NADK: variants seen among roughly 807,000 people sequenced by gnomAD.
NADK encodes NAD kinase, also known as poly(P)/ATP NAD kinase.
NADK carries 22 observed loss-of-function variants against 49.8 expected under a neutral mutation model. The ratio of observed to expected loss-of-function variants is 0.44; its 90% CI spans 0.32 to 0.63. NADK has a LOEUF of 0.63. Among genes scored for constraint, NADK ranks in the 30% least tolerant of loss-of-function variants. The probability of loss-of-function intolerance (pLI) is 0.06; values close to 1 mark genes in which losing one functional copy is unlikely to be tolerated. For missense variants in NADK, 438 were observed against 609.4 expected (o/e 0.72, Z 2.96); for synonymous variants, 268 against 253.7 (o/e 1.06, Z -0.54).
intron 1 of NADK, among the ~76,000 whole-genome samples, chr1:1,777,973 A>C: frequency 6.6e-6 from 1 of 152,192 alleles, no homozygotes; most frequent in Non-Finnish European, 1.5e-5. Flanking sequence ...CCGGACACCG[A>C]GGACCTGGCC....
At position 1,752,883 on chromosome 1, in the gene NADK, G is replaced by C. The variant is rs141226719; in HGVS notation, c.*21C>G. On this transcript the variant is annotated 3_prime_UTR_variant, in exon 12 of 12. Coordinates refer to ENST00000341426, the MANE Select transcript of NADK (RefSeq NM_023018.5). ...CGCTTGGAGGGCAGCGGAAGGATTC[G>C]GGCCTGGATAGGGGCTTGACCTAGC... is the stretch of plus-strand genomic sequence containing the variant. 4.2e-5 allele frequency: 67 copies of C among 1,605,266 alleles called. No individual in the cohort carries two copies. The East Asian group carries it at 1.4e-3, about 34-fold the overall frequency.
intron 2 of NADK, among the ~76,000 whole-genome samples, chr1:1,763,624 A>C (rs1267815852): frequency 1.6e-5 from 2 of 123,824 alleles, no homozygotes; most frequent in Admixed American, 1.9e-4. Context: ...ATCTCAAAAA[A>C]AAAAAAAAAA....
intron 1 of NADK, among the ~76,000 whole-genome samples, chr1:1,773,700 G>GTA (rs1646121102): frequency 9.9e-6 from 1 of 101,144 alleles, no homozygotes; most frequent in Admixed American, 1.2e-4. Context: ...GTGTGTGTGT[G>GTA]TGTGTGTGTG....
chr1:1,755,503 G>A (rs753782546), intron 6 of NADK, 27 bp from the exon 7 acceptor site: 4 of 1,580,792 alleles, frequency 2.5e-6, no homozygotes. Flanking sequence ...AGGTCACTCA[G>A]TGCCCACGCC....
chr1:1,755,980 A>G lies in NADK; in HGVS notation c.585+278T>C, dbSNP rs1370032600. ...AAGGGAGGCCCAGAGGGGATGGGCC[A>G]GTAGGCGAGGTCGTTTCCCAGGACC... On this transcript the variant is annotated intron_variant, in intron 6 of 11. Coordinates refer to ENST00000341426, the MANE Select transcript of NADK (RefSeq NM_023018.5). 5 of 555,388 alleles carry G rather than the reference A, an allele frequency of 9.0e-6. No individual in the cohort carries two copies. In the South Asian group the frequency reaches 1.0e-4, roughly 12 times the overall value. The allele number at this position is 555,388 out of a possible 1,614,324, so 34.4% of individuals were successfully genotyped here. A position where few individuals can be genotyped will look rare whatever the true frequency, so the allele number is the denominator to read the frequency against.
At chr1:1,774,161 G>A (rs1335940752) in intron 1 of NADK, among the ~76,000 whole-genome samples, 4 of 151,002 alleles carry the variant, frequency 2.6e-5, no homozygotes, top group African/African-American at 9.7e-5. Context: ...ATGTGTGTGT[G>A]TGTATATATA....
At chr1:1,774,981 C>A (rs1646169505) in intron 1 of NADK, among the ~76,000 whole-genome samples, 1 of 151,952 alleles carries the variant, frequency 6.6e-6, no homozygotes, top group African/African-American at 2.4e-5. Flanking sequence ...CGGTGGCAGG[C>A]GCCTGTCATC....
At chr1:1,772,286 C>T (rs1007636907) in intron 1 of NADK, among the ~76,000 whole-genome samples, 3 of 152,048 alleles carry the variant, frequency 2.0e-5, no homozygotes, top group African/African-American at 7.2e-5. Flanking sequence ...CCTCAGCCTC[C>T]TGAGTACCAG....
chr1:1,777,592 G>A (rs997396958), intron 1 of NADK, among the ~76,000 whole-genome samples: 4 of 135,296 alleles, frequency 3.0e-5, no homozygotes, highest in Non-Finnish European at 6.3e-5. Context: ...AAGCCAAAAG[G>A]AATCTCATTG....
At chr1:1,774,550 G>A (rs1025748258) in intron 1 of NADK, among the ~76,000 whole-genome samples, 2 of 151,930 alleles carry the variant, frequency 1.3e-5, no homozygotes, top group Admixed American at 6.6e-5. Context: ...CACCGCGCAC[G>A]GCCACCATTA....
intron 5 of NADK, 73 bp downstream of exon 5, chr1:1,756,430 A>G: frequency 6.2e-7 from 1 of 1,610,784 alleles, no homozygotes; most frequent in Non-Finnish European, 8.5e-7. Flanking sequence ...GACAAGGGCA[A>G]CAGTGCCAGA....
intron 2 of NADK, among the ~76,000 whole-genome samples, chr1:1,762,851 T>C (rs985077364): frequency 1.3e-5 from 2 of 152,118 alleles, no homozygotes; most frequent in Non-Finnish European, 2.9e-5. Context: ...CATGGCCAGG[T>C]CACAGTTAAA....
Position 1,754,084 on chromosome 1 carries a change from C to A in NADK, c.1068G>T (p.Arg356=). The change falls in exon 10 of 12, where the codon CGG becomes CGT. Residue 356 remains arginine, a synonymous_variant. Coordinates refer to ENST00000341426, the MANE Select transcript of NADK (RefSeq NM_023018.5). This position sits in a 1 kb window ranked among gnomAD's most constrained non-coding sequence, Gnocchi z 4.3. ...CGACCCCTGCGGGGACCACGATGGGCCGGAAGGACAGCGAGTGGGGGCAGA... is the reference window on the plus strand; with the variant it reads ...CGACCCCTGCGGGGACCACGATGGGACGGAAGGACAGCGAGTGGGGGCAGA... ...TPICPHSLSF[R]PIVVPAGVEL... The A allele has an allele frequency of 6.2e-7, 1 of 1,603,600 alleles. No individual in the cohort carries two copies. Among genetic ancestry groups the A allele is most frequent in the Non-Finnish European group, 8.5e-7 (1 of 1,174,694 alleles).
chr1:1,779,831 C>A (rs1646319498), upstream of NADK: 1 of 152,414 alleles, frequency 6.6e-6, no homozygotes, highest in African/African-American at 2.4e-5. Context: ...CCTGTCTATA[C>A]TTTCTGTGTG....
At chr1:1,763,144 C>G (rs377447805) in intron 2 of NADK, among the ~76,000 whole-genome samples, 1 of 152,258 alleles carries the variant, frequency 6.6e-6, no homozygotes, top group Non-Finnish European at 1.5e-5. Flanking sequence ...GTGACACAGG[C>G]GTGGCCATCA....
At chr1:1,759,992 G>A in intron 3 of NADK, 1 of 1,399,010 alleles carries the variant, frequency 7.1e-7, no homozygotes, top group South Asian at 1.3e-5. Flanking sequence ...CAGGATGGCG[G>A]GACAGAGCCA....
At chr1:1,773,715 T>TGAGA (rs1289878238) in intron 1 of NADK, among the ~76,000 whole-genome samples, 1,926 of 133,360 alleles carry the variant, frequency 0.014, 103 homozygotes, top group Non-Finnish European at 0.019. Context: ...TGTGTGTGTG[T>TGAGA]GTGTGTGTGT....
At chr1:1,766,333 G>A (rs1247876039) in intron 1 of NADK, among the ~76,000 whole-genome samples, 3 of 143,708 alleles carry the variant, frequency 2.1e-5, no homozygotes, top group Non-Finnish European at 4.5e-5. Flanking sequence ...TTGAACCCGG[G>A]AAGCGGAGGT....
chr1:1,760,851 G>A (rs543254896), intron 3 of NADK, among the ~76,000 whole-genome samples: 1 of 152,340 alleles, frequency 6.6e-6, no homozygotes, highest in East Asian at 1.9e-4. Context: ...TTTTTCTCTG[G>A]AGACAGTCTT....
Sources: gnomAD v4.1 joint callset for allele counts (sites outside exome capture counted in the v4.1 genomes callset) on GRCh38, gnomAD v4.1.1 for gene constraint, Gnocchi (gnomAD v3.1) non-coding constraint, MANE v1.5 for transcripts, NCBI Gene and HGNC (gene_info 2026-07-23, HGNC 2026-07-21) for gene names.